The following PTPN1 variants were observed in gnomAD, a reference collection of about 807,000 sequenced individuals.
PTPN1 encodes tyrosine-protein phosphatase non-receptor type 1.
In PTPN1, 12 loss-of-function variants were observed where a neutral mutation model predicts 59.9. That is an observed-to-expected ratio of 0.20 (90% CI 0.13 to 0.32). The LOEUF (loss-of-function observed/expected upper bound fraction) is 0.32. Ranked by LOEUF, PTPN1 falls within the 10% of genes least tolerant of loss-of-function variation. The probability of loss-of-function intolerance (pLI) is 1.00; values close to 1 mark genes in which losing one functional copy is unlikely to be tolerated. For missense variants in PTPN1, 356 were observed against 549.2 expected, an observed-to-expected ratio of 0.65 and a Z score of 3.52; for synonymous variants, 178 against 203.6, an observed-to-expected ratio of 0.87 and a Z score of 1.07.
At chr20:50,534,637 T>G (rs1328706474) in intron 1 of PTPN1, among the ~76,000 whole-genome samples, 1 of 152,234 alleles carries the variant, frequency 6.6e-6, no homozygotes, top group Non-Finnish European at 1.5e-5. Context: ...TATCTATTCC[T>G]TAGTTACTCT....
At chr20:50,544,744 T>C (rs527709303) in intron 1 of PTPN1, among the ~76,000 whole-genome samples, 1 of 152,174 alleles carries the variant, frequency 6.6e-6, no homozygotes, top group African/African-American at 2.4e-5. Flanking sequence ...AGCTGGGGTA[T>C]TTATCTCTTT....
intron 1 of PTPN1, among the ~76,000 whole-genome samples, chr20:50,526,186 A>G (rs1321083097): frequency 2.6e-5 from 4 of 152,142 alleles, no homozygotes; most frequent in African/African-American, 4.8e-5. Flanking sequence ...ATAAATTGCC[A>G]TAGTGGGGAA....
intron 1 of PTPN1, among the ~76,000 whole-genome samples, chr20:50,548,570 T>C (rs1188038890): frequency 2.0e-5 from 3 of 151,856 alleles, no homozygotes; most frequent in Non-Finnish European, 4.4e-5. Context: ...GGAATACAGG[T>C]GTGAGAGCCG....
chr20:50,579,072 G>A, intron 6 of PTPN1, 96 bp from the exon 7 acceptor site: 3 of 1,364,222 alleles, frequency 2.2e-6, no homozygotes, highest in Non-Finnish European at 3.1e-6. Flanking sequence ...TCACATTTCA[G>A]CATGAGATTG....
At chr20:50,578,994 C>T (rs2082851218) in intron 6 of PTPN1, among the ~76,000 whole-genome samples, 174 bp from the exon 7 acceptor site, 1 of 152,160 alleles carries the variant, frequency 6.6e-6, no homozygotes, top group South Asian at 2.1e-4. Flanking sequence ...GGGCACCAAG[C>T]CTTTCATGAG....
In PTPN1 at chr20:50,568,295, G is replaced by A; in HGVS notation, c.256-85G>A. 1 of 1,239,872 alleles carries A rather than the reference G, an allele frequency of 8.1e-7. No homozygotes were observed. Among genetic ancestry groups the A allele is most frequent in the South Asian group, 1.2e-5 (1 of 82,224 alleles). The allele number at this position is 1,239,872 out of a possible 1,614,324, so 76.8% of individuals were successfully genotyped here. A position where few individuals can be genotyped will look rare whatever the true frequency, so the allele number is the denominator to read the frequency against. ...CTAAGCTGTGGGGACTGAGGGCGCT[G>A]TCGTTAGCTGACTGCAGAAGGTGAG... On this transcript the variant is annotated intron_variant, in intron 3 of 9. Coordinates refer to ENST00000371621, the MANE Select transcript of PTPN1 (RefSeq NM_002827.4). The surrounding 1 kb of genome is among the most constrained non-coding windows in gnomAD (Gnocchi z 5.6).
At chr20:50,521,705 C>T (rs531355080) in intron 1 of PTPN1, among the ~76,000 whole-genome samples, 1 of 152,326 alleles carries the variant, frequency 6.6e-6, no homozygotes, top group Admixed American at 6.5e-5. Flanking sequence ...TCACGCAATG[C>T]TTTTTAAAAA....
At chr20:50,564,883 A>G in intron 2 of PTPN1, 86 bp from the exon 3 acceptor site, 3 of 1,572,322 alleles carry the variant, frequency 1.9e-6, no homozygotes, top group Non-Finnish European at 2.6e-6. Context: ...CCACCAACTC[A>G]CCTTTGCTTT....
At chr20:50,565,520 G>C (rs1419191027) in intron 3 of PTPN1, among the ~76,000 whole-genome samples, 1 of 152,196 alleles carries the variant, frequency 6.6e-6, no homozygotes, top group African/African-American at 2.4e-5. Context: ...CAGAAGAAAG[G>C]CATCATTGGA....
intron 1 of PTPN1, among the ~76,000 whole-genome samples, chr20:50,552,695 T>C (rs892102337): frequency 6.6e-6 from 1 of 152,006 alleles, no homozygotes; most frequent in Admixed American, 6.5e-5. Context: ...AAAATTTTTT[T>C]TTTTTTTTTA....
chr20:50,578,368 T>G, intron 5 of PTPN1, 52 bp from the exon 6 acceptor site: 3 of 1,474,858 alleles, frequency 2.0e-6, no homozygotes, highest in Middle Eastern at 1.7e-4. Context: ...GAATTAGTGA[T>G]TTCTGTACAG....
chr20:50,513,922 T>C (rs557161927), intron 1 of PTPN1, among the ~76,000 whole-genome samples: 49 of 152,004 alleles, frequency 3.2e-4, no homozygotes, highest in Non-Finnish European at 5.6e-4. Flanking sequence ...GGAAATGACA[T>C]GGAGAGACTG....
At chr20:50,535,998 C>T (rs1296183109) in intron 1 of PTPN1, among the ~76,000 whole-genome samples, 2 of 152,172 alleles carry the variant, frequency 1.3e-5, no homozygotes, top group Non-Finnish European at 2.9e-5. Context: ...AAAATCTAGG[C>T]ATTAAAATGT....
In PTPN1 at chr20:50,510,396, A is replaced by G. The variant is rs2082500079; in HGVS notation, c.-132A>G. 1.1e-6 allele frequency: 1 copy of G among 948,368 alleles called. No homozygotes were observed. 58.7% of individuals were successfully genotyped at this position (948,368 alleles called of 1,614,324 possible). ...CTGCCGGTTGACATGAAGAAGCAGC[A>G]GCGGCTAGGGCGGCGGTAGCTGCAG... is the stretch of plus-strand genomic sequence containing the variant. On this transcript the variant is annotated 5_prime_UTR_variant, in exon 1 of 10. Coordinates refer to ENST00000371621, the MANE Select transcript of PTPN1 (RefSeq NM_002827.4).
rs11481722 is a variant in PTPN1, at chr20:50,554,380, A to ATTCTC, written c.64-6982_64-6981insTCTCT. Among the ~76,000 whole-genome samples, 251 of 140,276 alleles carry ATTCTC rather than the reference A, an allele frequency of 1.8e-3. 1 individual carries two copies. Among genetic ancestry groups the ATTCTC allele is most frequent in the Non-Finnish European group, 2.2e-3 (140 of 64,908 alleles). 92.0% of individuals were successfully genotyped at this position (140,276 alleles called of 152,430 possible). On this transcript the variant is annotated intron_variant, in intron 1 of 9. Coordinates refer to ENST00000371621, the MANE Select transcript of PTPN1 (RefSeq NM_002827.4). ...CCAGCCTAGGCAACAGCAAGACCAC[A>ATTCTC]TCTCTCTCTCTCTCTCTCTCTCTCT...
chr20:50,535,371 C>T (rs2082620123), intron 1 of PTPN1, among the ~76,000 whole-genome samples: 2 of 152,160 alleles, frequency 1.3e-5, no homozygotes, highest in African/African-American at 4.8e-5. Context: ...CCTGCGGAGC[C>T]ACCCACCATT....
chr20:50,524,737 C>A (rs1324453096), intron 1 of PTPN1, among the ~76,000 whole-genome samples: 1 of 151,700 alleles, frequency 6.6e-6, no homozygotes, highest in Admixed American at 6.6e-5. Context: ...CCACTACGCC[C>A]AGCTAATTTT....
At position 50,582,773 on chromosome 20, in the gene PTPN1, G is replaced by A. The variant is rs973380554; in HGVS notation, c.*58G>A. ...GTCCGCCTCTGCCCGCAGAGCCCAC[G>A]CCCGACTAGCAGGCATGCCGCGGTA... is the stretch of plus-strand genomic sequence containing the variant. On this transcript the variant is annotated 3_prime_UTR_variant, in exon 10 of 10. Coordinates refer to ENST00000371621, the MANE Select transcript of PTPN1 (RefSeq NM_002827.4). The surrounding 1 kb of genome is among the most constrained non-coding windows in gnomAD (Gnocchi z 4.2). The A allele has an allele frequency of 1.3e-4, 203 of 1,604,276 alleles. No individual in the cohort carries two copies. In the Middle Eastern group the frequency reaches 2.2e-3, roughly 17 times the overall value.
At chr20:50,516,114 G>C (rs1014255754) in intron 1 of PTPN1, among the ~76,000 whole-genome samples, 1 of 152,050 alleles carries the variant, frequency 6.6e-6, no homozygotes, top group Non-Finnish European at 1.5e-5. Flanking sequence ...CTCCTGACTG[G>C]TTCTCACAAG....
Sources: gnomAD v4.1 joint callset for allele counts (sites outside exome capture counted in the v4.1 genomes callset) on GRCh38, gnomAD v4.1.1 for gene constraint, Gnocchi (gnomAD v3.1) non-coding constraint, MANE v1.5 for transcripts, NCBI Gene and HGNC (gene_info 2026-07-23, HGNC 2026-07-21) for gene names.